Variants in COL27A1 observed in about 807,000 individuals in gnomAD.
COL27A1 encodes collagen type XXVII alpha 1 chain.
A neutral mutation model predicts 251.3 loss-of-function variants in COL27A1; 106 were observed. That is an observed-to-expected ratio of 0.42 (90% confidence interval 0.36 to 0.50). The LOEUF (loss-of-function observed/expected upper bound fraction) is 0.50, where lower values mean the gene tolerates loss of function less well. COL27A1 is among the 20% of genes least tolerant of loss of function. The probability of loss-of-function intolerance (pLI) is 0.00; values close to 1 mark genes in which losing one functional copy is unlikely to be tolerated. For missense variants in COL27A1, 2,325 were observed against 2,522.8 expected (o/e 0.92, Z 1.68); for synonymous variants, 1,000 against 986.3 (o/e 1.01, Z -0.26).
At chr9:114,289,746 G>GC (rs1485409892) in intron 45 of COL27A1, among the ~76,000 whole-genome samples, 2 of 151,758 alleles carry the variant, frequency 1.3e-5, no homozygotes, top group East Asian at 3.9e-4. Context: ...CCCCGGGTGC[G>GC]CCCCCCTCAC....
In COL27A1 at chr9:114,169,245, A is replaced by G. The variant is rs1564421944; in HGVS notation, c.1690A>G (p.Arg564Gly). 1 of 1,613,612 alleles carries G rather than the reference A, an allele frequency of 6.2e-7. No individual in the cohort carries two copies. Among genetic ancestry groups the G allele is most frequent in the African/African-American group, 1.3e-5 (1 of 74,910 alleles). Reference sequence around the variant, plus strand: ...CCCCCTCAGACCTGGGAAGGCAGCCAGGGATGTCCCCTTGAGCGATCTGAC... The same window carrying G: ...CCCCCTCAGACCTGGGAAGGCAGCCGGGGATGTCCCCTTGAGCGATCTGAC... ...PVPLRPGKAARDVPLSDLTTR... is the reference protein window; with the variant it reads ...PVPLRPGKAAGDVPLSDLTTR... The change falls in exon 3 of 61, where the codon AGG becomes GGG. Residue 564 changes from arginine to glycine, a missense_variant. Coordinates refer to ENST00000356083, the MANE Select transcript of COL27A1 (RefSeq NM_032888.4).
Position 114,282,571 on chromosome 9 carries a change from ACT to A in COL27A1, c.3879+12_3879+13del, listed in dbSNP as rs1441104040. 1.3e-6 allele frequency: 2 copies of A among 1,493,864 alleles called. No homozygotes were observed. The highest frequency in any genetic ancestry group is 8.9e-7 in the Non-Finnish European group (1 of 1,119,682). The allele number at this position is 1,493,864 out of a possible 1,614,324, so 92.5% of individuals were successfully genotyped here. A position where few individuals can be genotyped will look rare whatever the true frequency, so the allele number is the denominator to read the frequency against. ...GGGCAGCCTGGGACCAACGGTGAGGACTCTCTGGCTGGGGTGGGGGAGTCAGA... is the reference window on the plus strand; with the variant it reads ...GGGCAGCCTGGGACCAACGGTGAGGACTCTGGCTGGGGTGGGGGAGTCAGA... On this transcript the variant is annotated splice_region_variant and intron_variant, in intron 39 of 60. Transcript: ENST00000356083.
intron 27 of COL27A1, among the ~76,000 whole-genome samples, chr9:114,256,307 C>T (rs577348810): frequency 9.2e-5 from 14 of 152,212 alleles, no homozygotes; most frequent in South Asian, 8.3e-4. Flanking sequence ...CTGGCTAACA[C>T]GGTGAAACCC....
chr9:114,200,138 AC>A lies in COL27A1; in HGVS notation c.2124+4128del, dbSNP rs1268191030. 2.6e-5 allele frequency among the ~76,000 whole-genome samples: 4 copies of A among 151,874 alleles called. No individual in the cohort carries two copies. The East Asian group carries it at 7.7e-4, about 29-fold the overall frequency. ...TGGAGGCTGCCTGAGACAATTTCCC[AC>A]CTTTCTGCTGAACTCCCGGTTCTGC... On this transcript the variant is annotated intron_variant, in intron 7 of 60. Coordinates refer to ENST00000356083, the MANE Select transcript of COL27A1 (RefSeq NM_032888.4).
intron 4 of COL27A1, among the ~76,000 whole-genome samples, chr9:114,179,832 C>CTTTTTTTT (rs139712391): frequency 1.0e-5 from 1 of 100,190 alleles, no homozygotes; most frequent in Non-Finnish European, 2.0e-5. Flanking sequence ...AGCCTACCAT[C>CTTTTTTTT]TTTTTTTTTT....
chr9:114,303,883 C>A (rs1217467042), intron 56 of COL27A1, among the ~76,000 whole-genome samples: 2 of 152,234 alleles, frequency 1.3e-5, no homozygotes, highest in Admixed American at 6.5e-5. Context: ...AGAAAGGGGG[C>A]CTCCCTCATC....
At chr9:114,197,741 A>G (rs1001796923) in intron 7 of COL27A1, among the ~76,000 whole-genome samples, 5 of 152,250 alleles carry the variant, frequency 3.3e-5, no homozygotes, top group African/African-American at 1.2e-4. Context: ...CAAGTTAAGG[A>G]AAAGCCACTG....
At chr9:114,266,328 C>A (rs930402000) in intron 32 of COL27A1, among the ~76,000 whole-genome samples, 3 of 152,058 alleles carry the variant, frequency 2.0e-5, no homozygotes, top group Admixed American at 1.3e-4. Flanking sequence ...AGGGAGGGCC[C>A]CCTGGGCTTT....
chr9:114,265,431 G>T lies in COL27A1; in HGVS notation c.3349G>T (p.Gly1117Cys), dbSNP rs1391250208. 3.1e-6 allele frequency: 5 copies of T among 1,613,828 alleles called. No individual in the cohort carries two copies. The highest frequency in any genetic ancestry group is 4.2e-6 in the Non-Finnish European group (5 of 1,179,918). ...TACCTTGTCTCTGCAGGGCATCCCG[G>T]GTCCCTCAGGCCCCCCAGGCACCAA... is the stretch of plus-strand genomic sequence containing the variant. The part of the protein sequence containing the change: ...LGSRGFPGIP[G>C]PSGPPGTKGL... The change falls in exon 32 of 61, where the codon GGT becomes TGT. Residue 1117 changes from glycine to cysteine, a missense_variant. By Grantham distance (159) the Gly-to-Cys change is radical. Coordinates refer to ENST00000356083, the MANE Select transcript of COL27A1 (RefSeq NM_032888.4).
intron 15 of COL27A1, 118 bp from the exon 16 acceptor site, chr9:114,231,704 G>T: frequency 2.0e-6 from 2 of 989,642 alleles, no homozygotes; most frequent in Non-Finnish European, 3.2e-6. Flanking sequence ...TTACAGATGT[G>T]AACACTGAGG....
intron 24 of COL27A1, among the ~76,000 whole-genome samples, chr9:114,250,043 G>T (rs1833417236): frequency 6.6e-6 from 1 of 152,218 alleles, no homozygotes; most frequent in Non-Finnish European, 1.5e-5. Flanking sequence ...CCAGAGGCAA[G>T]TTGTCACCCA....
intron 16 of COL27A1, among the ~76,000 whole-genome samples, chr9:114,233,361 C>T (rs1334344261): frequency 6.6e-6 from 1 of 152,216 alleles, no homozygotes; most frequent in South Asian, 2.1e-4. Flanking sequence ...GCCATGCCAA[C>T]CCCAGTCCTT....
Position 114,261,129 on chromosome 9 carries a change from AG to A in COL27A1, c.3195+2538del, listed in dbSNP as rs113763523. The stretch of plus-strand genomic sequence containing the variant: ...TGCCTGAGCACCTTGAACTTGCTGC[AG>A]GGTGGCAGCACGTGATGGTGTGTGC... On this transcript the variant is annotated intron_variant, in intron 28 of 60. Transcript: ENST00000356083. Among the ~76,000 whole-genome samples, 17 of 152,340 alleles carry A rather than the reference AG, an allele frequency of 1.1e-4. 1 individual carries two copies. Among genetic ancestry groups the A allele is most frequent in the African/African-American group, 4.1e-4 (17 of 41,580 alleles).
intron 58 of COL27A1, chr9:114,306,959 A>G (rs1829095741): frequency 2.5e-6 from 1 of 405,702 alleles, no homozygotes. Flanking sequence ...CCATCCTGTC[A>G]CAGGCTCCCG....
chr9:114,171,844 G>T (rs1428434573), intron 3 of COL27A1, among the ~76,000 whole-genome samples: 1 of 152,148 alleles, frequency 6.6e-6, no homozygotes, highest in East Asian at 1.9e-4. Flanking sequence ...AGGACCTCAT[G>T]AAAACTGGTT....
intron 3 of COL27A1, among the ~76,000 whole-genome samples, chr9:114,174,893 G>A (rs892744316): frequency 2.6e-5 from 4 of 152,296 alleles, no homozygotes; most frequent in Middle Eastern, 3.4e-3. Context: ...AGCCCTTTGA[G>A]GCCCCCTATC....
intron 59 of COL27A1, among the ~76,000 whole-genome samples, chr9:114,308,664 G>C (rs1020541903): frequency 2.0e-5 from 3 of 152,248 alleles, no homozygotes; most frequent in Non-Finnish European, 2.9e-5. Context: ...CTGCCTAGCA[G>C]AGGGGTGAGG....
chr9:114,224,085 C>G (rs1220652816), intron 14 of COL27A1, among the ~76,000 whole-genome samples: 1 of 80,174 alleles, frequency 1.2e-5, no homozygotes, highest in African/African-American at 3.8e-5. Context: ...AATTTGTCAT[C>G]CCTGATGTCC....
intron 14 of COL27A1, among the ~76,000 whole-genome samples, chr9:114,227,899 G>A (rs1436111096): frequency 2.0e-5 from 3 of 152,320 alleles, no homozygotes; most frequent in East Asian, 1.9e-4. Flanking sequence ...AGCTGCCCTC[G>A]GGGGATGCTG....
Sources: gnomAD v4.1 joint callset for allele counts (sites outside exome capture counted in the v4.1 genomes callset) on GRCh38, gnomAD v4.1.1 for gene constraint, MANE v1.5 for transcripts, NCBI Gene and HGNC (gene_info 2026-07-23, HGNC 2026-07-21) for gene names.